SHISA9: variants seen among roughly 807,000 people sequenced by gnomAD.
SHISA9 encodes the protein shisa family member 9.
SHISA9 carries 13 observed loss-of-function variants against 38.0 expected under a neutral mutation model. The observed-to-expected ratio is 0.34, with a 90% CI of 0.22 to 0.54. The LOEUF is 0.54. Among genes scored for constraint, SHISA9 ranks in the 20% least tolerant of loss-of-function variants. SHISA9 has a pLI of 0.91. For synonymous variants in SHISA9, 275 were observed against 242.0 expected (o/e 1.14, Z -1.27); for missense variants, 538 against 575.8 (o/e 0.93, Z 0.67).
At chr16:13,490,405 A>G in the SHISA9 span, among the ~76,000 whole-genome samples, 1 of 152,242 alleles carries the variant, frequency 6.6e-6, no homozygotes, top group African/African-American at 2.4e-5. Context: ...AAACAAACAA[A>G]AACAGAAAAA....
the SHISA9 span, among the ~76,000 whole-genome samples, chr16:13,276,090 CT>C: frequency 6.6e-6 from 1 of 151,926 alleles, no homozygotes; most frequent in African/African-American, 2.4e-5. Flanking sequence ...TCTCTTACCC[CT>C]AAGTCCCCAA....
intron 2 of SHISA9, among the ~76,000 whole-genome samples, chr16:12,944,100 T>A (rs562382935): frequency 6.6e-6 from 1 of 152,142 alleles, no homozygotes. Context: ...TAACCAAATA[T>A]GTCTCTAGTC....
At chr16:13,137,915 G>T (rs552014302) in intron 2 of SHISA9, among the ~76,000 whole-genome samples, 2 of 152,046 alleles carry the variant, frequency 1.3e-5, no homozygotes, top group East Asian at 1.9e-4. Context: ...TGGCTAACTC[G>T]TATTTTTCTT....
intron 2 of SHISA9, among the ~76,000 whole-genome samples, chr16:13,198,287 T>TATGTAC: frequency 7.8e-6 from 1 of 128,624 alleles, no homozygotes; most frequent in African/African-American, 2.9e-5. Context: ...TACTTGTGTG[T>TATGTAC]ATATGCATAC....
rs182972983 is a variant in SHISA9, at chr16:13,002,485, T to C, written c.691+85670T>C. On this transcript the variant is annotated intron_variant, in intron 2 of 4. Coordinates refer to ENST00000558583, the MANE Select transcript of SHISA9 (RefSeq NM_001145204.3). ...TAATAAAACTTGATATGCCAGACACTGTGCTAGGATCTGGCATTGCAATGT... is the reference window on the plus strand; with the variant it reads ...TAATAAAACTTGATATGCCAGACACCGTGCTAGGATCTGGCATTGCAATGT... 2.6e-3 allele frequency among the ~76,000 whole-genome samples: 394 copies of C among 152,040 alleles called. 1 individual carries two copies. Among genetic ancestry groups the C allele is most frequent in the African/African-American group, 9.2e-3 (382 of 41,490 alleles).
chr16:13,367,697 T>TGC, the SHISA9 span, among the ~76,000 whole-genome samples: 1,271 of 116,116 alleles, frequency 0.011, 15 homozygotes, highest in South Asian at 0.02. Flanking sequence ...CGCGTGTGCG[T>TGC]GCGCGCGCGC....
chr16:13,421,308 C>G, the SHISA9 span, among the ~76,000 whole-genome samples: 2 of 152,114 alleles, frequency 1.3e-5, no homozygotes, highest in East Asian at 1.9e-4. Context: ...ATACCCAAGA[C>G]TAGGAAGAAA....
At chr16:12,961,486 A>G (rs1031709468) in intron 2 of SHISA9, among the ~76,000 whole-genome samples, 4 of 152,296 alleles carry the variant, frequency 2.6e-5, no homozygotes, top group African/African-American at 9.6e-5. Context: ...GATTAAATAA[A>G]CCATATTACC....
intron 2 of SHISA9, among the ~76,000 whole-genome samples, chr16:13,162,980 A>G (rs1596693054): frequency 6.6e-6 from 1 of 152,268 alleles, no homozygotes; most frequent in Non-Finnish European, 1.5e-5. Flanking sequence ...TTCTAAGTCA[A>G]AGAGAGAAAA....
the SHISA9 span, among the ~76,000 whole-genome samples, chr16:13,343,755 A>G: frequency 1.1e-4 from 16 of 152,216 alleles, no homozygotes; most frequent in Non-Finnish European, 2.1e-4. Context: ...GCATCCTGAC[A>G]GAAAGGCTGA....
chr16:13,113,085 C>G (rs1455521544), intron 2 of SHISA9, among the ~76,000 whole-genome samples: 2 of 151,802 alleles, frequency 1.3e-5, no homozygotes, highest in African/African-American at 4.8e-5. Flanking sequence ...TGGTACATGC[C>G]TGTAATCCCA....
At chr16:13,516,505 T>C in the SHISA9 span, among the ~76,000 whole-genome samples, 1 of 152,022 alleles carries the variant, frequency 6.6e-6, no homozygotes, top group Admixed American at 6.6e-5. Flanking sequence ...AGTAGAAGAA[T>C]TATAGGGCCA....
At chr16:13,066,287 G>A (rs1027065722) in intron 2 of SHISA9, among the ~76,000 whole-genome samples, 2 of 152,182 alleles carry the variant, frequency 1.3e-5, no homozygotes, top group Non-Finnish European at 2.9e-5. Context: ...TAGGGACTTA[G>A]GGGCTATTTG....
chr16:13,370,258 G>A, the SHISA9 span, among the ~76,000 whole-genome samples: 71,905 of 151,792 alleles, frequency 0.47, 17,333 homozygotes, highest in South Asian at 0.58. Context: ...TGCTGTGCTG[G>A]TTACCTTTTC....
intron 2 of SHISA9, among the ~76,000 whole-genome samples, chr16:12,946,627 G>A (rs765252047): frequency 6.6e-6 from 1 of 152,200 alleles, no homozygotes; most frequent in Non-Finnish European, 1.5e-5. Flanking sequence ...CAAGTGGCTG[G>A]TGTTTTGAAC....
rs1288887097 is a variant in SHISA9 at position 13,019,870 on chromosome 16, CCCTCCCTCCCTCCCTTCTTT to C, written c.691+103057_691+103076del. Among the ~76,000 whole-genome samples, 32 of 31,944 alleles carry C rather than the reference CCCTCCCTCCCTCCCTTCTTT, an allele frequency of 1.0e-3. 1 individual carries two copies. Among genetic ancestry groups the C allele is most frequent in the South Asian group, 1.9e-3 (1 of 514 alleles). 21.0% of individuals were successfully genotyped at this position (31,944 alleles called of 152,430 possible). ...TCCCTCCCTCCCTCCCTCCCTCCCTCCCTCCCTCCCTCCCTTCTTTCTTTCTTTCTTTCTTTCTTTCTTTC... is the reference window on the plus strand; with the variant it reads ...TCCCTCCCTCCCTCCCTCCCTCCCTCCTTTCTTTCTTTCTTTCTTTCTTTC... On this transcript the variant is annotated intron_variant, in intron 2 of 4. Transcript: ENST00000558583.
the SHISA9 span, among the ~76,000 whole-genome samples, chr16:13,251,486 G>T: frequency 1.6e-4 from 25 of 152,230 alleles, no homozygotes; most frequent in African/African-American, 5.1e-4. Context: ...ACACACCACG[G>T]CCCAAACTTT....
rs545230494 is a variant in SHISA9 at position 13,008,498 on chromosome 16, A to T, written c.691+91683A>T. Among the ~76,000 whole-genome samples, 592 of 152,064 alleles carry T rather than the reference A, an allele frequency of 3.9e-3. 4 individuals carry two copies. Among genetic ancestry groups the T allele is most frequent in the African/African-American group, 0.014 (568 of 41,474 alleles). The stretch of plus-strand genomic sequence containing the variant: ...CGTGTTGAGGGAGGGACCTGGTAGG[A>T]GGTGATTGGATCATGGGGACATTTT... On this transcript the variant is annotated intron_variant, in intron 2 of 4. Transcript: ENST00000558583.
the SHISA9 span, among the ~76,000 whole-genome samples, chr16:13,553,135 A>G: frequency 2.8e-3 from 430 of 152,204 alleles, no homozygotes; most frequent in African/African-American, 7.8e-3. Context: ...CTGGACCACA[A>G]CCTGCTTTCT....
Sources: allele counts gnomAD v4.1 joint callset (sites outside exome capture counted in the v4.1 genomes callset), GRCh38; gene constraint gnomAD v4.1.1; transcripts MANE v1.5; gene names NCBI Gene and HGNC (gene_info 2026-07-23, HGNC 2026-07-21).